OPCML: variants seen among roughly 807,000 people sequenced by gnomAD.
OPCML encodes opioid binding protein/cell adhesion molecule like.
Under a neutral mutation model 37.8 loss-of-function variants are expected in OPCML, and 13 were observed. The ratio of observed to expected loss-of-function variants is 0.34; its 90% CI spans 0.22 to 0.55. The LOEUF (loss-of-function observed/expected upper bound fraction) is 0.55, where lower values mean the gene tolerates loss of function less well. Among genes scored for constraint, OPCML ranks in the 20% least tolerant of loss-of-function variants. The probability of loss-of-function intolerance (pLI) is 0.91; values close to 1 mark genes in which losing one functional copy is unlikely to be tolerated. For synonymous variants in OPCML, 176 were observed against 168.8 expected (o/e 1.04, Z -0.33); for missense variants, 341 against 435.6 (o/e 0.78, Z 1.93).
chr11:132,558,147 T>C (rs968933433), intron 3 of OPCML, among the ~76,000 whole-genome samples: 2 of 152,058 alleles, frequency 1.3e-5, no homozygotes, highest in African/African-American at 4.8e-5. Flanking sequence ...CCTTCATCTC[T>C]TCATACCCAG....
At chr11:133,270,053 A>G (rs1354638948) in intron 1 of OPCML, among the ~76,000 whole-genome samples, 3 of 152,212 alleles carry the variant, frequency 2.0e-5, no homozygotes, top group African/African-American at 7.2e-5. Flanking sequence ...TAATTCTCAC[A>G]TTTTAGTCTC....
In OPCML at chr11:132,659,077, C is replaced by T. The variant is rs574838035; in HGVS notation, c.147-1758G>A. Among the ~76,000 whole-genome samples the T allele has an allele frequency of 4.6e-5, 7 of 152,244 alleles. No individual in the cohort carries two copies. The East Asian group carries it at 9.7e-4, about 21-fold the overall frequency. On this transcript the variant is annotated intron_variant, in intron 2 of 7. Coordinates refer to ENST00000524381, the MANE Select transcript of OPCML (RefSeq NM_001012393.5). Reference sequence around the variant, plus strand: ...TAGGACCTGATAATCTAGGTACCATCGAATGATTCTTTCACATCATTATAG... The same window carrying T: ...TAGGACCTGATAATCTAGGTACCATTGAATGATTCTTTCACATCATTATAG...
At chr11:133,392,030 T>A (rs1021708690) in intron 1 of OPCML, among the ~76,000 whole-genome samples, 4 of 152,208 alleles carry the variant, frequency 2.6e-5, no homozygotes, top group Non-Finnish European at 4.4e-5. Context: ...AAGACTATTT[T>A]TTTCAAATTA....
Position 133,212,184 on chromosome 11 carries a change from C to T in OPCML, c.62-269174G>A, listed in dbSNP as rs1405044536. On this transcript the variant is annotated intron_variant, in intron 1 of 7. Coordinates refer to ENST00000524381, the MANE Select transcript of OPCML (RefSeq NM_001012393.5). This position sits in a 1 kb window ranked among gnomAD's most constrained non-coding sequence, Gnocchi z 4.9. ...CAATCACAACATCATAATGACCAATCAATCAACCAAACCAGCAAGGACAAC... is the reference window on the plus strand; with the variant it reads ...CAATCACAACATCATAATGACCAATTAATCAACCAAACCAGCAAGGACAAC... Among the ~76,000 whole-genome samples the T allele has an allele frequency of 2.0e-5, 3 of 152,174 alleles. No homozygotes were observed. The highest frequency in any genetic ancestry group is 2.9e-5 in the Non-Finnish European group (2 of 68,028).
intron 2 of OPCML, among the ~76,000 whole-genome samples, chr11:132,752,665 G>GTT (rs11295256): frequency 6.9e-6 from 1 of 145,088 alleles, no homozygotes; most frequent in Admixed American, 6.9e-5. Context: ...ACTCAATGTT[G>GTT]TTTTTTTTTT....
At chr11:132,747,813 C>T (rs1945687548) in intron 2 of OPCML, among the ~76,000 whole-genome samples, 1 of 152,100 alleles carries the variant, frequency 6.6e-6, no homozygotes, top group African/African-American at 2.4e-5. Context: ...ATGCAATATG[C>T]TGTTTTGGCG....
intron 2 of OPCML, among the ~76,000 whole-genome samples, chr11:132,830,407 T>C (rs1421472323): frequency 6.6e-6 from 1 of 152,198 alleles, no homozygotes; most frequent in Non-Finnish European, 1.5e-5. Flanking sequence ...AGGTTAGGAC[T>C]GGCAGAGCAC....
chr11:132,834,735 G>C (rs954379289), intron 2 of OPCML, among the ~76,000 whole-genome samples: 1 of 152,030 alleles, frequency 6.6e-6, no homozygotes, highest in African/African-American at 2.4e-5. Flanking sequence ...ATTTTAACTC[G>C]ATCACACCTG....
At chr11:132,667,971 C>A (rs2135806591) in intron 2 of OPCML, among the ~76,000 whole-genome samples, 1 of 152,128 alleles carries the variant, frequency 6.6e-6, no homozygotes, top group South Asian at 2.1e-4. Flanking sequence ...TTGGAGTACG[C>A]CAAGTGAGCA....
chr11:132,845,224 AT>A (rs57935608), intron 2 of OPCML, among the ~76,000 whole-genome samples: 18,444 of 149,830 alleles, frequency 0.12, 1,198 homozygotes, highest in South Asian at 0.21. Flanking sequence ...TTTATTTGTG[AT>A]TTTTTTTTTC....
chr11:133,495,691 T>C (rs1283712648), intron 1 of OPCML, among the ~76,000 whole-genome samples: 1 of 152,218 alleles, frequency 6.6e-6, no homozygotes, highest in South Asian at 2.1e-4. Context: ...TGTTGGCCAT[T>C]TGTATATCTT....
intron 2 of OPCML, among the ~76,000 whole-genome samples, chr11:132,780,167 G>T (rs750639700): frequency 1.3e-5 from 2 of 152,176 alleles, no homozygotes; most frequent in Non-Finnish European, 2.9e-5. Flanking sequence ...ACAATAAAGG[G>T]TCATGCACTT....
At chr11:132,807,220 G>A (rs4548630) in intron 2 of OPCML, among the ~76,000 whole-genome samples, 151,709 of 152,258 alleles carry the variant, frequency 1, 75,585 homozygotes, top group East Asian at 1. Flanking sequence ...GAAAACCTAC[G>A]TCTCAAACTT....
At chr11:133,458,042 AAGCTGAGGCAGT>A (rs1946712070) in intron 1 of OPCML, among the ~76,000 whole-genome samples, 1 of 152,010 alleles carries the variant, frequency 6.6e-6, no homozygotes, top group Admixed American at 6.5e-5. Context: ...GCTACTTGGG[AAGCTGAGGCAGT>A]AGAATCGCTT....
At chr11:133,491,103 G>A (rs1320248006) in intron 1 of OPCML, among the ~76,000 whole-genome samples, 1 of 152,206 alleles carries the variant, frequency 6.6e-6, no homozygotes, top group Non-Finnish European at 1.5e-5. Context: ...AATTCTATGG[G>A]AAAGTTGATC....
intron 1 of OPCML, among the ~76,000 whole-genome samples, chr11:133,457,128 T>C (rs1946688355): frequency 6.6e-6 from 1 of 152,216 alleles, no homozygotes; most frequent in Non-Finnish European, 1.5e-5. Flanking sequence ...TGACGTGTCA[T>C]GTACAAGTGA....
rs147344206 is a variant in OPCML at position 132,647,434 on chromosome 11, A to G, written c.379+9653T>C. ...AGTTGAAAATCTGCAAATAACTTTG[A>G]CTCCCTCCAAATTTAACTACTAAGA... On this transcript the variant is annotated intron_variant, in intron 3 of 7. Transcript: ENST00000524381. 2.5e-3 allele frequency among the ~76,000 whole-genome samples: 373 copies of G among 152,214 alleles called. 3 individuals are homozygous for G. Among genetic ancestry groups the G allele is most frequent in the African/African-American group, 8.4e-3 (347 of 41,528 alleles).
At chr11:132,762,371 G>C (rs1429146006) in intron 2 of OPCML, among the ~76,000 whole-genome samples, 1 of 152,216 alleles carries the variant, frequency 6.6e-6, no homozygotes, top group Non-Finnish European at 1.5e-5. Context: ...CCTCAGACCT[G>C]GCAGGCAGGA....
chr11:132,731,921 G>A (rs1009006229), intron 2 of OPCML, among the ~76,000 whole-genome samples: 10 of 152,112 alleles, frequency 6.6e-5, no homozygotes, highest in African/African-American at 2.4e-4. Context: ...TATGAAAGGT[G>A]AGGTTGGAAA....
Sources: gnomAD v4.1 joint callset for allele counts (sites outside exome capture counted in the v4.1 genomes callset) on GRCh38, gnomAD v4.1.1 for gene constraint, Gnocchi (gnomAD v3.1) non-coding constraint, MANE v1.5 for transcripts, NCBI Gene and HGNC (gene_info 2026-07-23, HGNC 2026-07-21) for gene names.